The following MAGI1 variants were observed in gnomAD, a reference collection of about 807,000 sequenced individuals.
The protein encoded by MAGI1 is membrane associated guanylate kinase, WW and PDZ domain containing 1.
A neutral mutation model predicts 139.9 loss-of-function variants in MAGI1; 58 were observed. The observed-to-expected ratio is 0.41, with a 90% CI of 0.34 to 0.52. The LOEUF (loss-of-function observed/expected upper bound fraction) is 0.52. Ranked by LOEUF, MAGI1 falls within the 20% of genes least tolerant of loss-of-function variation. The pLI is 0.12. For synonymous variants in MAGI1, 812 were observed against 737.9 expected, an observed-to-expected ratio of 1.10 and a Z score of -1.63; for missense variants, 1,874 against 1,901.6, an observed-to-expected ratio of 0.99 and a Z score of 0.27.
At chr3:65,912,063 AG>A (rs1212366825) in intron 1 of MAGI1, among the ~76,000 whole-genome samples, 1 of 152,238 alleles carries the variant, frequency 6.6e-6, no homozygotes, top group African/African-American at 2.4e-5. Flanking sequence ...GAAAGGGAAA[AG>A]GCAGGTGTGA....
chr3:65,456,379 A>T (rs761465459), intron 5 of MAGI1, among the ~76,000 whole-genome samples: 39 of 142,538 alleles, frequency 2.7e-4, no homozygotes, highest in East Asian at 1.0e-3. Flanking sequence ...ATGGTTTGAT[A>T]TTTTTTTTTT....
At chr3:65,956,815 T>A (rs1426352302) in intron 1 of MAGI1, among the ~76,000 whole-genome samples, 1 of 151,870 alleles carries the variant, frequency 6.6e-6, no homozygotes, top group Non-Finnish European at 1.5e-5. Flanking sequence ...CTGGCCAACA[T>A]GATGAGACCC....
chr3:66,013,335 A>G (rs2067433871), intron 1 of MAGI1, among the ~76,000 whole-genome samples: 1 of 151,166 alleles, frequency 6.6e-6, no homozygotes, highest in Non-Finnish European at 1.5e-5. Flanking sequence ...CCCAGGTGGC[A>G]GAGGTTGCAG....
At chr3:65,443,172 T>TAA (rs1446857590) in intron 7 of MAGI1, among the ~76,000 whole-genome samples, 1 of 152,202 alleles carries the variant, frequency 6.6e-6, no homozygotes, top group African/African-American at 2.4e-5. Flanking sequence ...GTTCCTATCT[T>TAA]AAATGTTTAC....
chr3:65,363,364 A>T (rs1941084677), intron 21 of MAGI1, 101 bp downstream of exon 21: 2 of 1,353,838 alleles, frequency 1.5e-6, no homozygotes, highest in Admixed American at 4.9e-5. Context: ...AAAGCTATAG[A>T]AAATGTAGTT....
chr3:65,492,270 T>C (rs1236951576), intron 3 of MAGI1, among the ~76,000 whole-genome samples: 1 of 152,220 alleles, frequency 6.6e-6, no homozygotes, highest in Non-Finnish European at 1.5e-5. Flanking sequence ...CAAGCTATAA[T>C]ACTGTTTTCA....
Position 65,356,192 on chromosome 3 carries a change from A to G in MAGI1, c.*186T>C. ...AAAAATACTTTCTTTAATATGATACATCAGGCACAATACTTTTCATATATA... is the reference window on the plus strand; with the variant it reads ...AAAAATACTTTCTTTAATATGATACGTCAGGCACAATACTTTTCATATATA... On this transcript the variant is annotated 3_prime_UTR_variant, in exon 23 of 23. Coordinates refer to ENST00000402939, the MANE Select transcript of MAGI1 (RefSeq NM_001033057.2). 1 of 525,350 alleles carries G rather than the reference A, an allele frequency of 1.9e-6. No homozygotes were observed. Among genetic ancestry groups the G allele is most frequent in the Non-Finnish European group, 3.1e-6 (1 of 320,454 alleles). The allele number at this position is 525,350 out of a possible 1,614,324, so 32.5% of individuals were successfully genotyped here.
chr3:65,770,595 G>C (rs550294926), intron 1 of MAGI1, among the ~76,000 whole-genome samples: 33 of 152,294 alleles, frequency 2.2e-4, no homozygotes, highest in African/African-American at 7.7e-4. Flanking sequence ...TGAGGGACAG[G>C]TATGAAAGAT....
At chr3:65,492,450 G>C (rs1163495758) in intron 3 of MAGI1, among the ~76,000 whole-genome samples, 2 of 152,174 alleles carry the variant, frequency 1.3e-5, no homozygotes, top group African/African-American at 4.8e-5. Context: ...GAGGGAAGTG[G>C]TTAAATAAAT....
intron 5 of MAGI1, among the ~76,000 whole-genome samples, chr3:65,464,262 T>G (rs1215745970): frequency 1.3e-5 from 2 of 152,152 alleles, no homozygotes; most frequent in Non-Finnish European, 2.9e-5. Context: ...TTACCTTTAT[T>G]ATTTCCTTCC....
chr3:65,952,293 C>T lies in MAGI1; in HGVS notation c.313+85703G>A, dbSNP rs369281247. 2.1e-4 allele frequency among the ~76,000 whole-genome samples: 32 copies of T among 152,286 alleles called. No individual in the cohort carries two copies. The East Asian group carries it at 3.1e-3, about 15-fold the overall frequency. On this transcript the variant is annotated intron_variant, in intron 1 of 22. Coordinates refer to ENST00000402939, the MANE Select transcript of MAGI1 (RefSeq NM_001033057.2). ...TAATTTTGCCTTGGCTCATTCCTGT[C>T]AATTTGGTGTTCATGACTCATAATT...
At chr3:65,576,095 C>G (rs2081163287) in intron 2 of MAGI1, among the ~76,000 whole-genome samples, 1 of 152,144 alleles carries the variant, frequency 6.6e-6, no homozygotes, top group Non-Finnish European at 1.5e-5. Flanking sequence ...TTTTTAGAGT[C>G]ATTAGATATT....
intron 2 of MAGI1, among the ~76,000 whole-genome samples, chr3:65,558,211 C>T (rs1427940375): frequency 6.6e-6 from 1 of 152,070 alleles, no homozygotes; most frequent in Non-Finnish European, 1.5e-5. Context: ...TCCAAGTGCC[C>T]CCATCTGTTT....
At chr3:65,760,172 C>T (rs1352216353) in intron 1 of MAGI1, among the ~76,000 whole-genome samples, 1 of 151,902 alleles carries the variant, frequency 6.6e-6, no homozygotes, top group Non-Finnish European at 1.5e-5. Flanking sequence ...CCTCCTCCTC[C>T]TCCTCCCCGT....
chr3:65,911,882 T>C (rs1037385935), intron 1 of MAGI1, among the ~76,000 whole-genome samples: 1 of 152,202 alleles, frequency 6.6e-6, no homozygotes, highest in Non-Finnish European at 1.5e-5. Context: ...TGTTCGTTAC[T>C]GCATTTCATT....
chr3:65,941,235 T>C (rs1018893172), intron 1 of MAGI1, among the ~76,000 whole-genome samples: 3 of 151,724 alleles, frequency 2.0e-5, no homozygotes, highest in African/African-American at 7.3e-5. Context: ...TAATCCCAGC[T>C]ACTTGGGAGG....
intron 1 of MAGI1, among the ~76,000 whole-genome samples, chr3:65,785,851 C>G (rs1197797541): frequency 3.9e-5 from 6 of 152,144 alleles, no homozygotes; most frequent in East Asian, 3.9e-4. Flanking sequence ...GAAACAAGTT[C>G]ACAGAGACAT....
chr3:65,862,841 T>A (rs139412568), intron 1 of MAGI1, among the ~76,000 whole-genome samples: 1 of 152,232 alleles, frequency 6.6e-6, no homozygotes, highest in South Asian at 2.1e-4. Flanking sequence ...GAAGAAAGTA[T>A]AGATTTCTCA....
chr3:65,807,568 GT>G (rs1383789629), intron 1 of MAGI1, among the ~76,000 whole-genome samples: 3 of 152,128 alleles, frequency 2.0e-5, no homozygotes, highest in South Asian at 4.1e-4. Flanking sequence ...TAACTTACAA[GT>G]TCATAATTTT....
Sources: gnomAD v4.1 joint callset for allele counts (sites outside exome capture counted in the v4.1 genomes callset) on GRCh38, gnomAD v4.1.1 for gene constraint, MANE v1.5 for transcripts, NCBI Gene and HGNC (gene_info 2026-07-23, HGNC 2026-07-21) for gene names.